The following SNTG2 variants were observed in gnomAD, a reference collection of about 807,000 sequenced individuals.
SNTG2 encodes the protein syntrophin gamma 2.
SNTG2 carries 74 observed loss-of-function variants against 70.9 expected under a neutral mutation model. The ratio of observed to expected loss-of-function variants is 1.04; its 90% CI spans 0.86 to 1.27. SNTG2 has a LOEUF of 1.27. Among genes scored for constraint, SNTG2 ranks in the 50% most tolerant of loss-of-function variants. SNTG2 has a pLI of 0.00. For synonymous variants in SNTG2, 278 were observed against 273.8 expected, an observed-to-expected ratio of 1.02 and a Z score of -0.15; for missense variants, 717 against 690.7, an observed-to-expected ratio of 1.04 and a Z score of -0.43.
At chr2:1,144,921 A>G (rs537154297) in intron 6 of SNTG2, among the ~76,000 whole-genome samples, 1 of 152,326 alleles carries the variant, frequency 6.6e-6, no homozygotes, top group East Asian at 1.9e-4. Flanking sequence ...TCAATAACAG[A>G]TAGCTGGGAA....
intron 15 of SNTG2, among the ~76,000 whole-genome samples, chr2:1,309,426 C>G (rs949451015): frequency 1.3e-5 from 2 of 152,234 alleles, no homozygotes; most frequent in African/African-American, 4.8e-5. Flanking sequence ...AAAAGCAAGA[C>G]AAAAACCTTT....
chr2:1,323,971 C>G (rs1392851091), intron 16 of SNTG2, among the ~76,000 whole-genome samples: 1 of 151,912 alleles, frequency 6.6e-6, no homozygotes, highest in Non-Finnish European at 1.5e-5. Context: ...TGGCTAAGAC[C>G]CCCCAGTAGG....
chr2:992,955 T>C (rs58942336), intron 1 of SNTG2, among the ~76,000 whole-genome samples: 13,210 of 152,164 alleles, frequency 0.087, 758 homozygotes, highest in South Asian at 0.21. Flanking sequence ...CAATCAGTCC[T>C]GATTACCCCT....
intron 1 of SNTG2, among the ~76,000 whole-genome samples, chr2:992,913 C>T (rs74445378): frequency 0.025 from 3,866 of 152,210 alleles, 74 homozygotes; most frequent in South Asian, 0.066. Flanking sequence ...AACTCTTTAG[C>T]ACCCTTAATA....
At chr2:1,098,991 G>A (rs1016710294) in intron 4 of SNTG2, among the ~76,000 whole-genome samples, 3 of 152,160 alleles carry the variant, frequency 2.0e-5, no homozygotes, top group Non-Finnish European at 4.4e-5. Flanking sequence ...GAATCGAAAA[G>A]TGAGGGTGGG....
chr2:1,204,042 A>T (rs369450231), intron 8 of SNTG2, among the ~76,000 whole-genome samples: 7 of 152,198 alleles, frequency 4.6e-5, no homozygotes, highest in African/African-American at 1.7e-4. Context: ...CACACAAGTG[A>T]TAGTGCATCA....
At chr2:996,586 A>G (rs1281918724) in intron 1 of SNTG2, among the ~76,000 whole-genome samples, 1 of 151,486 alleles carries the variant, frequency 6.6e-6, no homozygotes, top group Non-Finnish European at 1.5e-5. Context: ...GTGTATCTAC[A>G]TCTACATATA....
chr2:1,127,577 A>G (rs1168725832), intron 4 of SNTG2, among the ~76,000 whole-genome samples: 1 of 152,112 alleles, frequency 6.6e-6, no homozygotes, highest in African/African-American at 2.4e-5. Context: ...TGATTTTTCC[A>G]GTCTGTGAAC....
At chr2:1,291,631 A>G (rs1679997380) in intron 14 of SNTG2, among the ~76,000 whole-genome samples, 1 of 152,282 alleles carries the variant, frequency 6.6e-6, no homozygotes, top group East Asian at 1.9e-4. Context: ...GGTCTTGACA[A>G]CTTTGTTAGG....
chr2:1,059,613 C>CT (rs921431876), intron 1 of SNTG2, among the ~76,000 whole-genome samples: 1 of 151,970 alleles, frequency 6.6e-6, no homozygotes, highest in Admixed American at 6.6e-5. Context: ...ATAAATTTCT[C>CT]TTTTGTGGAA....
At position 1,295,551 on chromosome 2, in the gene SNTG2, G is replaced by A. The variant is rs188899995; in HGVS notation, c.1285-12943G>A. Among the ~76,000 whole-genome samples the A allele has an allele frequency of 2.8e-4, 42 of 152,352 alleles. 1 individual carries two copies. Among genetic ancestry groups the A allele is most frequent in the African/African-American group, 7.0e-4 (29 of 41,574 alleles). On this transcript the variant is annotated intron_variant, in intron 14 of 16. Transcript: ENST00000308624. ...TTCGAGTGACATAGGAATGACAGCC[G>A]TAGAGGACTGAGTCTCCAATGTTTG... is the stretch of plus-strand genomic sequence containing the variant.
At chr2:1,056,028 TC>T (rs570016480) in intron 1 of SNTG2, among the ~76,000 whole-genome samples, 86 of 151,812 alleles carry the variant, frequency 5.7e-4, no homozygotes, top group African/African-American at 1.9e-3. Flanking sequence ...CGGCTCCTTG[TC>T]CCCACTGTTT....
At chr2:1,072,848 C>T (rs1234370721) in intron 1 of SNTG2, among the ~76,000 whole-genome samples, 1 of 152,152 alleles carries the variant, frequency 6.6e-6, no homozygotes, top group Non-Finnish European at 1.5e-5. Context: ...ATATCATTAA[C>T]AGGACTTCGG....
Position 1,110,552 on chromosome 2 carries a change from T to C in SNTG2, c.325+12142T>C, listed in dbSNP as rs1666373936. ...TTAATGTAAGGTCCTGCCCTTCACATGGCATAGAGAAACCCGTGATGAATG... is the reference window on the plus strand; with the variant it reads ...TTAATGTAAGGTCCTGCCCTTCACACGGCATAGAGAAACCCGTGATGAATG... On this transcript the variant is annotated intron_variant, in intron 4 of 16. Coordinates refer to ENST00000308624, the MANE Select transcript of SNTG2 (RefSeq NM_018968.4). Among the ~76,000 whole-genome samples, 6 of 152,196 alleles carry C rather than the reference T, an allele frequency of 3.9e-5. No homozygotes were observed. In the South Asian group the frequency reaches 1.2e-3, roughly 32 times the overall value.
intron 13 of SNTG2, among the ~76,000 whole-genome samples, chr2:1,264,236 G>A (rs751960549): frequency 6.6e-6 from 1 of 152,228 alleles, no homozygotes; most frequent in Non-Finnish European, 1.5e-5. Context: ...CTGCAGTGGA[G>A]AGGAATATAG....
chr2:955,211 T>C (rs1365381941), intron 1 of SNTG2, among the ~76,000 whole-genome samples: 1 of 152,240 alleles, frequency 6.6e-6, no homozygotes, highest in Non-Finnish European at 1.5e-5. Flanking sequence ...GCATGGCCTG[T>C]TATTTTGCAA....
intron 1 of SNTG2, among the ~76,000 whole-genome samples, chr2:989,918 A>G (rs1661435350): frequency 6.6e-6 from 1 of 152,226 alleles, no homozygotes; most frequent in South Asian, 2.1e-4. Flanking sequence ...AGTTTACTGC[A>G]TAGAGAAAGG....
At chr2:964,125 G>A (rs1164855199) in intron 1 of SNTG2, among the ~76,000 whole-genome samples, 2 of 152,156 alleles carry the variant, frequency 1.3e-5, no homozygotes, top group East Asian at 1.9e-4. Flanking sequence ...AAATCCAGGC[G>A]TCAGCACTAC....
intron 4 of SNTG2, among the ~76,000 whole-genome samples, chr2:1,123,387 C>G: frequency 6.6e-6 from 1 of 152,072 alleles, no homozygotes; most frequent in Non-Finnish European, 1.5e-5. Context: ...GAATAGAAAG[C>G]CCAGAAGTAA....
Sources: gnomAD v4.1 joint callset for allele counts (sites outside exome capture counted in the v4.1 genomes callset) on GRCh38, gnomAD v4.1.1 for gene constraint, MANE v1.5 for transcripts, NCBI Gene and HGNC (gene_info 2026-07-23, HGNC 2026-07-21) for gene names.